FNDC3B: variants seen among roughly 807,000 people sequenced by gnomAD.
FNDC3B encodes the protein fibronectin type III domain containing 3B.
A neutral mutation model predicts 151.5 loss-of-function variants in FNDC3B; 12 were observed. The ratio of observed to expected loss-of-function variants is 0.08; its 90% CI spans 0.05 to 0.13. The LOEUF is 0.13. Among genes scored for constraint, FNDC3B ranks in the 10% least tolerant of loss-of-function variants. FNDC3B has a pLI of 1.00. For synonymous variants in FNDC3B, 528 were observed against 549.0 expected, an observed-to-expected ratio of 0.96 and a Z score of 0.54; for missense variants, 1,214 against 1,505.3, an observed-to-expected ratio of 0.81 and a Z score of 3.20.
intron 1 of FNDC3B, among the ~76,000 whole-genome samples, chr3:172,041,411 C>CTTTT (rs1716052415): frequency 2.2e-5 from 3 of 139,004 alleles, no homozygotes; most frequent in South Asian, 2.4e-4. Context: ...CTCCTTCTCT[C>CTTTT]TCCTTCCTTC....
intron 25 of FNDC3B, among the ~76,000 whole-genome samples, chr3:172,385,324 C>T (rs1427241713): frequency 6.6e-6 from 1 of 152,120 alleles, no homozygotes; most frequent in Non-Finnish European, 1.5e-5. Flanking sequence ...GTGTATACCT[C>T]AATTATAGCA....
At chr3:172,141,268 G>A (rs923004811) in intron 3 of FNDC3B, among the ~76,000 whole-genome samples, 7 of 152,176 alleles carry the variant, frequency 4.6e-5, no homozygotes, top group Non-Finnish European at 1.0e-4. Context: ...TCATAGGGTT[G>A]CTGGTGATGG....
rs546797801 is a variant in FNDC3B, at chr3:172,257,911, A to G, written c.790+6370A>G. 3.3e-5 allele frequency among the ~76,000 whole-genome samples: 5 copies of G among 152,320 alleles called. No individual in the cohort carries two copies. The South Asian group carries it at 6.2e-4, about 19-fold the overall frequency. On this transcript the variant is annotated intron_variant, in intron 6 of 25. Transcript: ENST00000415807. Reference sequence around the variant, plus strand: ...AGAACTGCTGGCTCTTTGAGTGCCAAGCAATTTTTAACCAAGATTTTAAAT... The same window carrying G: ...AGAACTGCTGGCTCTTTGAGTGCCAGGCAATTTTTAACCAAGATTTTAAAT...
intron 3 of FNDC3B, among the ~76,000 whole-genome samples, chr3:172,152,300 T>A (rs1255532640): frequency 6.6e-6 from 1 of 152,114 alleles, no homozygotes; most frequent in African/African-American, 2.4e-5. Flanking sequence ...CCTCACCCCT[T>A]CACTCCCCAC....
At chr3:172,182,992 A>G (rs73023573) in intron 3 of FNDC3B, among the ~76,000 whole-genome samples, 7,017 of 152,338 alleles carry the variant, frequency 0.046, 355 homozygotes, top group African/African-American at 0.12. Context: ...AGCAAGATAC[A>G]GCAAGCTAAA....
At chr3:172,125,321 AAGCCCCAGTCCGGGTC>A (rs11275387) in intron 2 of FNDC3B, among the ~76,000 whole-genome samples, 7,538 of 152,178 alleles carry the variant, frequency 0.05, 641 homozygotes, top group African/African-American at 0.17. Context: ...AAATCTTCCG[AAGCCCCAGTCCGGGTC>A]ACAGCAGCGG....
intron 25 of FNDC3B, among the ~76,000 whole-genome samples, chr3:172,392,915 T>C (rs1282221473): frequency 2.1e-5 from 3 of 143,298 alleles, no homozygotes; most frequent in African/African-American, 7.5e-5. Flanking sequence ...CAAGCAGTTC[T>C]TCTGCCTGTA....
At chr3:172,061,357 C>T (rs561878748) in intron 1 of FNDC3B, among the ~76,000 whole-genome samples, 29 of 151,960 alleles carry the variant, frequency 1.9e-4, no homozygotes, top group Middle Eastern at 3.4e-3. Flanking sequence ...CTCAGCCTCC[C>T]GAGTAGCTGG....
chr3:172,378,085 T>C (rs778058570), intron 23 of FNDC3B, among the ~76,000 whole-genome samples, 185 bp from the exon 24 acceptor site: 1 of 152,216 alleles, frequency 6.6e-6, no homozygotes, highest in Non-Finnish European at 1.5e-5. Flanking sequence ...ATGTTTTTCT[T>C]TTATCAAAAC....
intron 2 of FNDC3B, among the ~76,000 whole-genome samples, chr3:172,113,090 T>G (rs1432083629): frequency 6.6e-6 from 1 of 152,186 alleles, no homozygotes; most frequent in Admixed American, 6.5e-5. Flanking sequence ...CACTGAACAT[T>G]GTGGAATAGA....
intron 1 of FNDC3B, among the ~76,000 whole-genome samples, chr3:172,052,831 GAAT>G (rs1716732387): frequency 6.6e-6 from 1 of 152,180 alleles, no homozygotes; most frequent in South Asian, 2.1e-4. Flanking sequence ...AAAGAGGTGA[GAAT>G]AGTGCTTAGA....
intron 2 of FNDC3B, among the ~76,000 whole-genome samples, chr3:172,129,477 T>G (rs918301488): frequency 6.6e-6 from 1 of 152,210 alleles, no homozygotes; most frequent in Admixed American, 6.5e-5. Flanking sequence ...AGAGTTAGGT[T>G]TAGATTTATA....
intron 3 of FNDC3B, among the ~76,000 whole-genome samples, chr3:172,157,265 G>A (rs1722537587): frequency 6.6e-6 from 1 of 151,892 alleles, no homozygotes; most frequent in South Asian, 2.1e-4. Flanking sequence ...ATGAACCCAA[G>A]ATGGTACCAA....
Position 172,221,753 on chromosome 3 carries a change from T to C in FNDC3B, c.188-5118T>C, listed in dbSNP as rs566383772. 2.1e-3 allele frequency among the ~76,000 whole-genome samples: 317 copies of C among 152,016 alleles called. 3 individuals carry two copies. Among genetic ancestry groups the C allele is most frequent in the Non-Finnish European group, 3.3e-3 (227 of 67,994 alleles). On this transcript the variant is annotated intron_variant, in intron 3 of 25. Coordinates refer to ENST00000415807, the MANE Select transcript of FNDC3B (RefSeq NM_022763.4). ...CATTATCTCTTAGCTTGTGTAAGAG[T>C]CTTGAGTCACCATGAATGATTGCAG...
At chr3:172,268,332 G>A (rs1170951745) in intron 6 of FNDC3B, among the ~76,000 whole-genome samples, 4 of 152,174 alleles carry the variant, frequency 2.6e-5, no homozygotes, top group Non-Finnish European at 5.9e-5. Flanking sequence ...TACCTGGACA[G>A]TAATTAGAGT....
intron 1 of FNDC3B, among the ~76,000 whole-genome samples, chr3:172,041,412 TCC>T (rs1491107602): frequency 0.043 from 410 of 9,448 alleles, 2 homozygotes; most frequent in East Asian, 0.35. Flanking sequence ...TCCTTCTCTC[TCC>T]TTCCTTCCTT....
chr3:172,086,598 G>A (rs1463804611), intron 1 of FNDC3B, among the ~76,000 whole-genome samples: 1 of 152,182 alleles, frequency 6.6e-6, no homozygotes. Context: ...AAGGAACTAT[G>A]TAAGTGAAAT....
At chr3:172,091,302 A>G (rs568304479) in intron 1 of FNDC3B, among the ~76,000 whole-genome samples, 4 of 152,302 alleles carry the variant, frequency 2.6e-5, no homozygotes, top group South Asian at 2.1e-4. Flanking sequence ...CTTGTTGCAA[A>G]TGCTTCTTTT....
At chr3:172,323,028 T>TTTTGTTTGTTTG (rs56787564) in intron 11 of FNDC3B, among the ~76,000 whole-genome samples, 7,952 of 151,704 alleles carry the variant, frequency 0.052, 705 homozygotes, top group African/African-American at 0.18. Context: ...GTGTTTTAGT[T>TTTTGTTTGTTTG]TTTGTTTGTT....
Sources: gnomAD v4.1 joint callset for allele counts (sites outside exome capture counted in the v4.1 genomes callset) on GRCh38, gnomAD v4.1.1 for gene constraint, MANE v1.5 for transcripts, NCBI Gene and HGNC (gene_info 2026-07-23, HGNC 2026-07-21) for gene names.